Variants in ARHGEF3 observed in about 807,000 individuals in gnomAD.
ARHGEF3 encodes Rho guanine nucleotide exchange factor 3, also known as 59.8 kDA protein.
ARHGEF3 carries 28 observed loss-of-function variants against 63.2 expected under a neutral mutation model. The ratio of observed to expected loss-of-function variants is 0.44; its 90% CI spans 0.33 to 0.61. The LOEUF is 0.61. Ranked by LOEUF, ARHGEF3 falls within the 20% of genes least tolerant of loss-of-function variation. ARHGEF3 has a pLI of 0.03. For synonymous variants in ARHGEF3, 266 were observed against 254.2 expected (o/e 1.05, Z -0.44); for missense variants, 533 against 659.3 (o/e 0.81, Z 2.10).
At chr3:57,007,005 G>GT (rs1560127048) in intron 2 of ARHGEF3, among the ~76,000 whole-genome samples, 1 of 152,158 alleles carries the variant, frequency 6.6e-6, no homozygotes, top group African/African-American at 2.4e-5. Flanking sequence ...GGTTCTGCCC[G>GT]TGGAGGGGCC....
chr3:56,745,445 G>A lies in ARHGEF3; in HGVS notation c.630C>T (p.Ser210=). 1.2e-6 allele frequency: 2 copies of A among 1,613,958 alleles called. No homozygotes were observed. The highest frequency in any genetic ancestry group is 1.7e-6 in the Non-Finnish European group (2 of 1,179,968). ...ILVGWLPCLS[S]YDSYCSNQVA... ...CTTGATTGCTGCAGTAGCTATCATA[G>A]GAGCTGAGGCAAGGGAGCTAAGAAG... Residue 210 remains serine (S), a synonymous_variant, in exon 7 of 10, where the codon TCC becomes TCT. Transcript: ENST00000296315.
chr3:57,073,652 C>T (rs747954998), intron 1 of ARHGEF3: 6 of 1,574,822 alleles, frequency 3.8e-6, no homozygotes, highest in Non-Finnish European at 5.2e-6. Context: ...GCCAAGTGCC[C>T]CAGCCTCCTT....
intron 3 of ARHGEF3, among the ~76,000 whole-genome samples, chr3:56,935,415 C>T (rs9836365): frequency 0.55 from 84,284 of 151,930 alleles, 23,917 homozygotes; most frequent in East Asian, 0.65. Context: ...TAGCCAGCAG[C>T]GGCAACCCGC....
upstream of ARHGEF3, among the ~76,000 whole-genome samples, chr3:56,806,569 G>A (rs984928643): frequency 1.3e-5 from 2 of 152,270 alleles, no homozygotes; most frequent in African/African-American, 4.8e-5. Context: ...GGGCTGTTCT[G>A]CATTTGCAGG....
chr3:56,958,752 C>G lies in ARHGEF3; in HGVS notation c.129+71G>C. 3.4e-6 allele frequency: 5 copies of G among 1,457,876 alleles called. No homozygotes were observed. In the Admixed American group the frequency reaches 6.1e-5, roughly 18 times the overall value. 90.3% of individuals were successfully genotyped at this position (1,457,876 alleles called of 1,614,324 possible). A position where few individuals can be genotyped will look rare whatever the true frequency, so the allele number is the denominator to read the frequency against. On this transcript the variant is annotated intron_variant, in intron 3 of 12. Coordinates refer to the ARHGEF3 transcript ENST00000338458. ...TAGTAAAACCAACCCTAACAGCGTCCGTTCTGGAGGCCAGAGCATGTATCC... is the reference window on the plus strand; with the variant it reads ...TAGTAAAACCAACCCTAACAGCGTCGGTTCTGGAGGCCAGAGCATGTATCC...
intron 2 of ARHGEF3, among the ~76,000 whole-genome samples, chr3:56,976,111 G>C (rs1349505241): frequency 5.3e-5 from 8 of 152,068 alleles, no homozygotes; most frequent in Non-Finnish European, 1.2e-4. Context: ...GCGCAATCTT[G>C]GCTCACTGCA....
intron 4 of ARHGEF3, among the ~76,000 whole-genome samples, chr3:56,866,603 C>T (rs1238747040): frequency 3.3e-5 from 5 of 152,166 alleles, no homozygotes; most frequent in Admixed American, 3.3e-4. Flanking sequence ...TTCAATGTAA[C>T]AGCTAGAACA....
chr3:57,017,842 A>T (rs935458838), intron 2 of ARHGEF3, among the ~76,000 whole-genome samples: 2 of 152,220 alleles, frequency 1.3e-5, no homozygotes, highest in Non-Finnish European at 2.9e-5. Context: ...ATGCTGCCTG[A>T]TGCTGGGAAA....
At chr3:57,075,450 T>C (rs957238053) in intron 1 of ARHGEF3, 1 of 166,314 alleles carries the variant, frequency 6.0e-6, no homozygotes, top group African/African-American at 2.4e-5. Flanking sequence ...CTAAGACATG[T>C]GTAAATACAA....
intron 3 of ARHGEF3, among the ~76,000 whole-genome samples, chr3:56,908,098 C>T (rs1295999584): frequency 6.6e-6 from 1 of 152,132 alleles, no homozygotes; most frequent in Non-Finnish European, 1.5e-5. Context: ...ACAGGCTGGG[C>T]AACAAAAGGA....
intron 3 of ARHGEF3, among the ~76,000 whole-genome samples, chr3:56,898,354 C>A (rs1374836640): frequency 1.3e-5 from 2 of 152,072 alleles, no homozygotes; most frequent in Non-Finnish European, 2.9e-5. Context: ...GGATTACAGG[C>A]ATGTGCCACC....
chr3:57,051,262 C>T (rs1346441961), intron 1 of ARHGEF3, among the ~76,000 whole-genome samples: 3 of 152,138 alleles, frequency 2.0e-5, no homozygotes, highest in Non-Finnish European at 2.9e-5. Flanking sequence ...CTGAGGTGGG[C>T]GGATAACCTG....
chr3:56,842,800 A>G (rs566938306), intron 4 of ARHGEF3, among the ~76,000 whole-genome samples: 1 of 152,340 alleles, frequency 6.6e-6, no homozygotes, highest in East Asian at 1.9e-4. Flanking sequence ...GATAATGGCC[A>G]GACATCAAAG....
intron 1 of ARHGEF3, among the ~76,000 whole-genome samples, chr3:57,075,732 C>T (rs1264436601): frequency 1.3e-5 from 2 of 152,114 alleles, no homozygotes; most frequent in Non-Finnish European, 2.9e-5. Context: ...ATTGCTTGAG[C>T]CTGAGAGGCA....
chr3:56,945,293 C>T (rs997263961), intron 3 of ARHGEF3, among the ~76,000 whole-genome samples: 2 of 151,968 alleles, frequency 1.3e-5, no homozygotes, highest in African/African-American at 2.4e-5. Context: ...TGCAGTTCAC[C>T]GAGCGTGAGC....
At chr3:56,811,966 G>T (rs1162173884) in intron 4 of ARHGEF3, among the ~76,000 whole-genome samples, 2 of 152,166 alleles carry the variant, frequency 1.3e-5, no homozygotes, top group Non-Finnish European at 2.9e-5. Context: ...CATATTGACT[G>T]ATTTTATGTC....
In ARHGEF3 at chr3:56,777,824, T is replaced by G. The variant is rs1273143922; in HGVS notation, c.97-4008A>C. ...GAAATGTAGCCACTGGCATAAGGAC[T>G]CAGGCTGCTGCATTGCAGGGCAGTG... On this transcript the variant is annotated intron_variant, in intron 1 of 9. Transcript: ENST00000296315. Among the ~76,000 whole-genome samples the G allele has an allele frequency of 2.0e-5, 3 of 152,196 alleles. No homozygotes were observed. The East Asian group carries it at 5.8e-4, about 29-fold the overall frequency.
intron 3 of ARHGEF3, among the ~76,000 whole-genome samples, chr3:56,955,315 CT>C (rs1256989335): frequency 6.6e-6 from 1 of 152,018 alleles, no homozygotes; most frequent in African/African-American, 2.4e-5. Context: ...CCCACCTCAG[CT>C]TCCCTGGTAG....
intron 1 of ARHGEF3, among the ~76,000 whole-genome samples, chr3:57,068,922 T>C (rs1190594261): frequency 5.3e-5 from 8 of 151,310 alleles, no homozygotes; most frequent in African/African-American, 1.7e-4. Flanking sequence ...AGATCTGATT[T>C]TTTTTTTTTT....
Sources: gnomAD v4.1 joint callset for allele counts (sites outside exome capture counted in the v4.1 genomes callset) on GRCh38, gnomAD v4.1.1 for gene constraint, MANE v1.5 for transcripts, NCBI Gene and HGNC (gene_info 2026-07-23, HGNC 2026-07-21) for gene names.